The following ERBB4 variants were observed in gnomAD, a reference collection of about 807,000 sequenced individuals.
The protein encoded by ERBB4 is erb-b2 receptor tyrosine kinase 4, also known as receptor tyrosine-protein kinase erbB-4.
A neutral mutation model predicts 158.0 loss-of-function variants in ERBB4; 42 were observed. The observed-to-expected ratio is 0.27, with a 90% CI of 0.21 to 0.34. The LOEUF is 0.34. Ranked by LOEUF, ERBB4 falls within the 10% of genes least tolerant of loss-of-function variation. The pLI is 1.00. For synonymous variants in ERBB4, 583 were observed against 558.7 expected, an observed-to-expected ratio of 1.04 and a Z score of -0.61; for missense variants, 1,333 against 1,624.1, an observed-to-expected ratio of 0.82 and a Z score of 3.08.
chr2:211,956,191 A>C (rs544041250), intron 2 of ERBB4, among the ~76,000 whole-genome samples: 1 of 152,200 alleles, frequency 6.6e-6, no homozygotes, highest in South Asian at 2.1e-4. Context: ...CTATCAGATA[A>C]ACACATTAAG....
chr2:211,425,028 G>C (rs536381165), intron 22 of ERBB4, among the ~76,000 whole-genome samples: 1 of 152,216 alleles, frequency 6.6e-6, no homozygotes, highest in Non-Finnish European at 1.5e-5. Flanking sequence ...CATGCAAACA[G>C]CCAGTTTTGG....
chr2:212,466,069 T>C (rs570389126), intron 1 of ERBB4, among the ~76,000 whole-genome samples: 1 of 152,230 alleles, frequency 6.6e-6, no homozygotes, highest in Non-Finnish European at 1.5e-5. Flanking sequence ...CAAGACACTT[T>C]ACTGTTTTAA....
intron 1 of ERBB4, among the ~76,000 whole-genome samples, chr2:212,446,595 A>C (rs1416883168): frequency 7.4e-4 from 11 of 14,912 alleles, no homozygotes; most frequent in Admixed American, 6.1e-3. Flanking sequence ...ATATATGTAT[A>C]TATATATATA....
At chr2:212,403,894 T>C (rs1209978726) in intron 1 of ERBB4, among the ~76,000 whole-genome samples, 1 of 152,108 alleles carries the variant, frequency 6.6e-6, no homozygotes, top group Non-Finnish European at 1.5e-5. Flanking sequence ...AAATTTTAAC[T>C]TGAGTTCTCT....
chr2:211,471,146 C>T (rs1332426237), intron 20 of ERBB4, among the ~76,000 whole-genome samples: 1 of 151,840 alleles, frequency 6.6e-6, no homozygotes, highest in Non-Finnish European at 1.5e-5. Context: ...TGAAGAGAGA[C>T]AAAAAGACAG....
intron 2 of ERBB4, among the ~76,000 whole-genome samples, chr2:211,947,847 T>C (rs2080746254): frequency 6.6e-6 from 1 of 152,236 alleles, no homozygotes; most frequent in Admixed American, 6.5e-5. Flanking sequence ...AATGTGCTTA[T>C]ACTAAAATGA....
chr2:211,965,572 A>C (rs2081290136), intron 2 of ERBB4, among the ~76,000 whole-genome samples: 1 of 152,196 alleles, frequency 6.6e-6, no homozygotes, highest in East Asian at 1.9e-4. Flanking sequence ...AAGTTGTTAT[A>C]TACACAATTT....
intron 1 of ERBB4, among the ~76,000 whole-genome samples, chr2:212,325,690 G>A (rs1357980958): frequency 1.3e-5 from 2 of 150,386 alleles, no homozygotes; most frequent in Admixed American, 1.3e-4. Context: ...TCATTCCTGT[G>A]TATTAAAGTT....
At chr2:212,416,984 A>G (rs566068609) in intron 1 of ERBB4, among the ~76,000 whole-genome samples, 22 of 152,164 alleles carry the variant, frequency 1.4e-4, no homozygotes, top group Non-Finnish European at 2.8e-4. Context: ...TTACTTTCCT[A>G]CAGGGAATAT....
chr2:211,839,301 G>A (rs556324394), intron 3 of ERBB4, among the ~76,000 whole-genome samples: 1 of 151,994 alleles, frequency 6.6e-6, no homozygotes, highest in South Asian at 2.1e-4. Context: ...TTTCTCTTCT[G>A]TGCCTTAAGC....
chr2:211,478,947 G>A (rs1035517000), intron 20 of ERBB4, among the ~76,000 whole-genome samples: 4 of 151,966 alleles, frequency 2.6e-5, no homozygotes, highest in East Asian at 1.9e-4. Flanking sequence ...CTACATCCTC[G>A]GTTTCGTCTC....
intron 5 of ERBB4, among the ~76,000 whole-genome samples, chr2:211,736,171 GA>G (rs35835703): frequency 0.15 from 20,983 of 137,500 alleles, 1,659 homozygotes; most frequent in South Asian, 0.35. Context: ...TCAAAAAAAG[GA>G]AAAAAAAAAA....
chr2:211,511,693 CA>C (rs2065888930), intron 20 of ERBB4, among the ~76,000 whole-genome samples: 1 of 151,422 alleles, frequency 6.6e-6, no homozygotes, highest in African/African-American at 2.4e-5. Flanking sequence ...GTGATCATAT[CA>C]AAAAAGAATC....
At chr2:211,398,280 A>G (rs972091470) in intron 25 of ERBB4, among the ~76,000 whole-genome samples, 1 of 152,086 alleles carries the variant, frequency 6.6e-6, no homozygotes, top group East Asian at 1.9e-4. Flanking sequence ...CTTCATCCTC[A>G]TGGCCACTAT....
chr2:211,967,109 T>C (rs1218792982), intron 2 of ERBB4, among the ~76,000 whole-genome samples: 1 of 152,176 alleles, frequency 6.6e-6, no homozygotes, highest in Admixed American at 6.5e-5. Context: ...GAATGTTTTT[T>C]TCTGAGTGAA....
intron 1 of ERBB4, among the ~76,000 whole-genome samples, chr2:212,467,708 A>T (rs910064317): frequency 1.3e-5 from 2 of 152,182 alleles, no homozygotes; most frequent in Admixed American, 6.5e-5. Context: ...GTGGGGTGGA[A>T]TCCTCCACAC....
intron 19 of ERBB4, among the ~76,000 whole-genome samples, chr2:211,587,405 T>C (rs1363392287): frequency 1.3e-5 from 2 of 152,136 alleles, no homozygotes; most frequent in Admixed American, 6.5e-5. Flanking sequence ...TCTATTCCAA[T>C]ATGACTAGTG....
Position 211,886,652 on chromosome 2 carries a change from G to A in ERBB4, c.421+60778C>T, listed in dbSNP as rs1270201237. Among the ~76,000 whole-genome samples the A allele has an allele frequency of 2.6e-5, 4 of 152,254 alleles. No homozygotes were observed. In the East Asian group the frequency reaches 5.8e-4, roughly 22 times the overall value. ...AAGTTTCACATGGCATCTTGGGGAC[G>A]GCTATGCTGTAATTATATTTTCTTA... On this transcript the variant is annotated intron_variant, in intron 3 of 27. Coordinates refer to ENST00000342788, the MANE Select transcript of ERBB4 (RefSeq NM_005235.3).
At chr2:212,471,313 T>G (rs61357199) in intron 1 of ERBB4, among the ~76,000 whole-genome samples, 2,686 of 152,150 alleles carry the variant, frequency 0.018, 74 homozygotes, top group African/African-American at 0.06. Flanking sequence ...AACAAACTTC[T>G]AAGAAAGAGA....
Sources: gnomAD v4.1 joint callset for allele counts (sites outside exome capture counted in the v4.1 genomes callset) on GRCh38, gnomAD v4.1.1 for gene constraint, MANE v1.5 for transcripts, NCBI Gene and HGNC (gene_info 2026-07-23, HGNC 2026-07-21) for gene names.